The following EPS8 variants were observed in gnomAD, a reference collection of about 807,000 sequenced individuals.
EPS8 encodes the protein epidermal growth factor receptor kinase substrate 8.
Under a neutral mutation model 103.8 loss-of-function variants are expected in EPS8, and 42 were observed. That is an observed-to-expected ratio of 0.40 (90% CI 0.32 to 0.52). The LOEUF is 0.52. Ranked by LOEUF, EPS8 falls within the 20% of genes least tolerant of loss-of-function variation. The pLI, the probability that EPS8 is intolerant of heterozygous loss-of-function variation, is 0.40. For synonymous variants in EPS8, 344 were observed against 344.6 expected (o/e 1.00, Z 0.02); for missense variants, 969 against 1,005.1 (o/e 0.96, Z 0.49).
chr12:15,656,755 T>A (rs888158817), intron 12 of EPS8, among the ~76,000 whole-genome samples: 2 of 152,114 alleles, frequency 1.3e-5, no homozygotes, highest in African/African-American at 4.8e-5. Context: ...TTTTGATATG[T>A]TTAAAACTGA....
rs1366510519 is a variant in EPS8 at position 15,716,790 on chromosome 12, C to T, written c.-21-33818G>A. Among the ~76,000 whole-genome samples, 1 of 152,120 alleles carries T rather than the reference C, an allele frequency of 6.6e-6. No homozygotes were observed. Among genetic ancestry groups the T allele is most frequent in the Non-Finnish European group, 1.5e-5 (1 of 68,020 alleles). The stretch of plus-strand genomic sequence containing the variant: ...TACATAAATTGTTAGGACAACCAAG[C>T]AGAATCGATCAACAATGTCACAATC... On this transcript the variant is annotated intron_variant, in intron 1 of 20. Coordinates refer to ENST00000281172, the MANE Select transcript of EPS8 (RefSeq NM_004447.6). This position sits in a 1 kb window ranked among gnomAD's most constrained non-coding sequence, Gnocchi z 5.0.
rs892574887 is a variant in EPS8 at position 15,735,662 on chromosome 12, T to C, written c.-21-52690A>G. Among the ~76,000 whole-genome samples, 1 of 152,208 alleles carries C rather than the reference T, an allele frequency of 6.6e-6. No individual in the cohort carries two copies. The highest frequency in any genetic ancestry group is 2.1e-4 in the South Asian group (1 of 4,832). The stretch of plus-strand genomic sequence containing the variant: ...CTTCTATGTAGATGTGCATGTATAT[T>C]GAGCTCAAAGCCTACAAATAAACAT... On this transcript the variant is annotated intron_variant, in intron 1 of 20. Coordinates refer to ENST00000281172, the MANE Select transcript of EPS8 (RefSeq NM_004447.6). This position sits in a 1 kb window ranked among gnomAD's most constrained non-coding sequence, Gnocchi z 4.4.
rs550465726 is a variant in EPS8, at chr12:15,664,269, ATC to A, written c.736+1485_736+1486del. 6.3e-3 allele frequency among the ~76,000 whole-genome samples: 956 copies of A among 151,418 alleles called. 4 individuals are homozygous for A. Among genetic ancestry groups the A allele is most frequent in the Non-Finnish European group, 0.011 (715 of 67,952 alleles). ...AAACTGTTATAAAATTAAACTACAT[ATC>A]TCTGTTAATTAATTTTTTTTTAAAT... is the stretch of plus-strand genomic sequence containing the variant. On this transcript the variant is annotated intron_variant, in intron 8 of 20. Coordinates refer to ENST00000281172, the MANE Select transcript of EPS8 (RefSeq NM_004447.6).
chr12:15,752,329 C>T lies in EPS8; in HGVS notation c.-22+36832G>A, dbSNP rs1283464514. 6.6e-6 allele frequency among the ~76,000 whole-genome samples: 1 copy of T among 151,958 alleles called. No individual in the cohort carries two copies. Among genetic ancestry groups the T allele is most frequent in the African/African-American group, 2.4e-5 (1 of 41,344 alleles). ...AGGTGTGGTGGCGGGTGCCTGTAGT[C>T]CCAGCTACAAGGGAGGCTAAGGCAG... On this transcript the variant is annotated intron_variant, in intron 1 of 20. Transcript: ENST00000281172. This position sits in a 1 kb window ranked among gnomAD's most constrained non-coding sequence, Gnocchi z 4.4.
intron 8 of EPS8, among the ~76,000 whole-genome samples, chr12:15,663,008 A>G (rs1466075902): frequency 6.6e-6 from 1 of 152,054 alleles, no homozygotes; most frequent in Admixed American, 6.6e-5. Flanking sequence ...ACAAAAAAAA[A>G]AAAAAAAAGA....
intron 3 of EPS8, among the ~76,000 whole-genome samples, chr12:15,679,287 T>C (rs1386820161): frequency 2.0e-5 from 3 of 152,194 alleles, no homozygotes; most frequent in African/African-American, 7.2e-5. Flanking sequence ...TCATTCATTG[T>C]AAACAATGCC....
At chr12:15,622,980 A>T (rs932701998) in intron 20 of EPS8, among the ~76,000 whole-genome samples, 178 bp downstream of exon 20, 2 of 152,222 alleles carry the variant, frequency 1.3e-5, no homozygotes, top group African/African-American at 4.8e-5. Flanking sequence ...ATGAGCATTT[A>T]TAACAAATTA....
chr12:15,676,767 CTAAG>C (rs1223656463), intron 3 of EPS8, among the ~76,000 whole-genome samples: 1 of 152,052 alleles, frequency 6.6e-6, no homozygotes, highest in Non-Finnish European at 1.5e-5. Flanking sequence ...ATTTATCTTC[CTAAG>C]TAAGTGTTAC....
In EPS8 at chr12:15,716,013, T is replaced by G. The variant is rs1041328405; in HGVS notation, c.-21-33041A>C. 6.6e-6 allele frequency among the ~76,000 whole-genome samples: 1 copy of G among 152,004 alleles called. No homozygotes were observed. Among genetic ancestry groups the G allele is most frequent in the African/African-American group, 2.4e-5 (1 of 41,392 alleles). ...AATTCCTCGATGAGAAAATCAGTAT[T>G]AAAAGTAGCAAGAAGAAAACCCTTC... On this transcript the variant is annotated intron_variant, in intron 1 of 20. Coordinates refer to ENST00000281172, the MANE Select transcript of EPS8 (RefSeq NM_004447.6). The surrounding 1 kb of genome is among the most constrained non-coding windows in gnomAD (Gnocchi z 5.0).
rs910193642 is a variant in EPS8, at chr12:15,780,789, C to T, written c.-22+8372G>A. 6 of 152,144 alleles carry T rather than the reference C, an allele frequency of 3.9e-5. No individual in the cohort carries two copies. Among genetic ancestry groups the T allele is most frequent in the Admixed American group, 2.6e-4 (4 of 15,274 alleles). 9.4% of individuals were successfully genotyped at this position (152,144 alleles called of 1,614,324 possible). On this transcript the variant is annotated intron_variant, in intron 1 of 20. Coordinates refer to ENST00000281172, the MANE Select transcript of EPS8 (RefSeq NM_004447.6). This position sits in a 1 kb window ranked among gnomAD's most constrained non-coding sequence, Gnocchi z 4.1. Reference sequence around the variant, plus strand: ...TGTATTCCTGGTGTCTGGCACAGAACAGATACTCAACAAACACTCGATAAA... The same window carrying T: ...TGTATTCCTGGTGTCTGGCACAGAATAGATACTCAACAAACACTCGATAAA...
intron 3 of EPS8, among the ~76,000 whole-genome samples, chr12:15,673,315 TTATAAA>T (rs145535853): frequency 0.022 from 3,353 of 152,278 alleles, 125 homozygotes; most frequent in African/African-American, 0.076. Context: ...ATAAATGGAC[TTATAAA>T]TAAACTAGTA....
At chr12:15,746,638 A>G (rs1231206516) in intron 1 of EPS8, among the ~76,000 whole-genome samples, 1 of 152,216 alleles carries the variant, frequency 6.6e-6, no homozygotes, top group East Asian at 1.9e-4. Context: ...AAGAAACATT[A>G]ACTTATTAAT....
intron 1 of EPS8, among the ~76,000 whole-genome samples, chr12:15,758,802 T>C (rs1947013509): frequency 6.6e-6 from 1 of 152,202 alleles, no homozygotes; most frequent in South Asian, 2.1e-4. Flanking sequence ...ATGTCCTTGT[T>C]CTTAGGAGAT....
rs1273074314 is a variant in EPS8, at chr12:15,728,848, T to C, written c.-21-45876A>G. 6.6e-6 allele frequency among the ~76,000 whole-genome samples: 1 copy of C among 152,194 alleles called. No individual in the cohort carries two copies. Among genetic ancestry groups the C allele is most frequent in the African/African-American group, 2.4e-5 (1 of 41,446 alleles). On this transcript the variant is annotated intron_variant, in intron 1 of 20. Coordinates refer to ENST00000281172, the MANE Select transcript of EPS8 (RefSeq NM_004447.6). This position sits in a 1 kb window ranked among gnomAD's most constrained non-coding sequence, Gnocchi z 4.5. ...CCAATAAAAATGGGCTAAAGGACAC[T>C]GTTAAGAAAATGAAAAGACAAGCCA...
chr12:15,643,977 A>G (rs1183280216), intron 15 of EPS8, among the ~76,000 whole-genome samples: 1 of 152,210 alleles, frequency 6.6e-6, no homozygotes, highest in Non-Finnish European at 1.5e-5. Flanking sequence ...ACCTAATGGC[A>G]TAGCAATTTC....
At chr12:15,746,048 A>T (rs1186448127) in intron 1 of EPS8, among the ~76,000 whole-genome samples, 2 of 152,152 alleles carry the variant, frequency 1.3e-5, no homozygotes, top group African/African-American at 4.8e-5. Flanking sequence ...TCATACGATT[A>T]TATCATCAGG....
At chr12:15,732,671 C>A (rs1946729395) in intron 1 of EPS8, 1 of 537,260 alleles carries the variant, frequency 1.9e-6, no homozygotes, top group Non-Finnish European at 2.4e-6. Flanking sequence ...AAATAAATGA[C>A]CTACTGTTTA....
intron 17 of EPS8, among the ~76,000 whole-genome samples, chr12:15,635,230 T>C (rs1945114004): frequency 6.6e-6 from 1 of 152,286 alleles, no homozygotes; most frequent in East Asian, 1.9e-4. Context: ...AATAAAATTA[T>C]GTACATGTGC....
intron 1 of EPS8, among the ~76,000 whole-genome samples, chr12:15,741,799 G>C (rs1946826230): frequency 6.6e-6 from 1 of 151,992 alleles, no homozygotes; most frequent in African/African-American, 2.4e-5. Context: ...TGCCATGTTG[G>C]TGTGCTGCAC....
Sources: gnomAD v4.1 joint callset for allele counts (sites outside exome capture counted in the v4.1 genomes callset) on GRCh38, gnomAD v4.1.1 for gene constraint, Gnocchi (gnomAD v3.1) non-coding constraint, MANE v1.5 for transcripts, NCBI Gene and HGNC (gene_info 2026-07-23, HGNC 2026-07-21) for gene names.